GSE1: variants seen among roughly 807,000 people sequenced by gnomAD.
The protein encoded by GSE1 is Gse1 coiled-coil protein, also known as genetic suppressor element 1.
In GSE1, 32 loss-of-function variants were observed where a neutral mutation model predicts 112.6. That is an observed-to-expected ratio of 0.28 (90% CI 0.21 to 0.38). GSE1 has a LOEUF of 0.38. GSE1 is among the 10% of genes least tolerant of loss of function. The probability of loss-of-function intolerance (pLI) is 1.00; values close to 1 mark genes in which losing one functional copy is unlikely to be tolerated. For missense variants in GSE1, 2,348 were observed against 1,699.2 expected (o/e 1.38, Z -6.71); for synonymous variants, 1,115 against 735.6 (o/e 1.52, Z -8.35).
At position 85,546,596 on chromosome 16, in the gene GSE1, G is replaced by T. The variant is rs369638315; in HGVS notation, c.2465-87318G>T. Among the ~76,000 whole-genome samples the T allele has an allele frequency of 2.1e-4, 32 of 152,334 alleles. 1 individual carries two copies. In the South Asian group the frequency reaches 6.4e-3, roughly 31 times the overall value. ...TTGCTGGCTTCAGTATCTGTACTCAGAGTCATCCTGGGAGAAGGTATTCAT... is the reference window on the plus strand; with the variant it reads ...TTGCTGGCTTCAGTATCTGTACTCATAGTCATCCTGGGAGAAGGTATTCAT... On this transcript the variant is annotated intron_variant, in intron 2 of 2. Coordinates refer to the GSE1 transcript ENST00000637419.
chr16:85,348,241 TC>T (rs997569134), intron 1 of GSE1, among the ~76,000 whole-genome samples: 1 of 151,982 alleles, frequency 6.6e-6, no homozygotes, highest in Non-Finnish European at 1.5e-5. Context: ...CTGTCCATCA[TC>T]CATCCATCCA....
At chr16:85,421,154 G>A (rs1330096981) in intron 2 of GSE1, among the ~76,000 whole-genome samples, 2 of 152,238 alleles carry the variant, frequency 1.3e-5, no homozygotes, top group Non-Finnish European at 2.9e-5. Context: ...GTTAAACCAA[G>A]AGAAACAGGA....
intron 2 of GSE1, among the ~76,000 whole-genome samples, chr16:85,642,998 G>A (rs1475089325): frequency 6.6e-6 from 1 of 152,186 alleles, no homozygotes; most frequent in South Asian, 2.1e-4. Flanking sequence ...TGACTCTTCA[G>A]GGGGTGCCGG....
chr16:85,191,133 G>A (rs1338103116), intron 1 of GSE1, among the ~76,000 whole-genome samples: 1 of 152,076 alleles, frequency 6.6e-6, no homozygotes, highest in Non-Finnish European at 1.5e-5. Context: ...GGTGTTGTGT[G>A]CCTGTAATCC....
intron 2 of GSE1, among the ~76,000 whole-genome samples, chr16:85,384,286 G>A (rs562799625): frequency 6.6e-6 from 1 of 152,174 alleles, no homozygotes; most frequent in African/African-American, 2.4e-5. Context: ...GTGCGGCCGG[G>A]TGGCGAGCGG....
At chr16:85,516,959 G>C (rs932376741) in intron 2 of GSE1, among the ~76,000 whole-genome samples, 1 of 152,072 alleles carries the variant, frequency 6.6e-6, no homozygotes, top group Non-Finnish European at 1.5e-5. Context: ...CACCACGCCC[G>C]GCTAATTTTT....
chr16:85,670,435 A>C lies in GSE1; in HGVS notation c.3416-560A>C, dbSNP rs765482264. On this transcript the variant is annotated intron_variant, in intron 14 of 15. Coordinates refer to ENST00000253458, the MANE Select transcript of GSE1 (RefSeq NM_014615.5). ...TGTTGAATTTGTTAGTACTTTTAGG[A>C]TTTTTAATGTATGTTCGTTAGTATT... Among the ~76,000 whole-genome samples, 3 of 151,416 alleles carry C rather than the reference A, an allele frequency of 2.0e-5. No individual in the cohort carries two copies. In the South Asian group the frequency reaches 6.2e-4, roughly 31 times the overall value.
At chr16:85,547,535 T>G (rs1018619047) in intron 2 of GSE1, among the ~76,000 whole-genome samples, 16 of 152,202 alleles carry the variant, frequency 1.1e-4, no homozygotes, top group African/African-American at 3.9e-4. Context: ...TTTAATAAAT[T>G]TATATAATTA....
chr16:85,279,293 C>G (rs1485930400), intron 1 of GSE1, among the ~76,000 whole-genome samples: 2 of 152,194 alleles, frequency 1.3e-5, no homozygotes, highest in African/African-American at 4.8e-5. Context: ...ACCATGCAAG[C>G]CCGCTACAAG....
At chr16:85,172,623 A>C (rs2074380337) in intron 1 of GSE1, among the ~76,000 whole-genome samples, 1 of 152,224 alleles carries the variant, frequency 6.6e-6, no homozygotes, top group Non-Finnish European at 1.5e-5. Context: ...TGTGAGTGGC[A>C]GTCACCAACC....
chr16:85,356,239 C>G (rs546101024), intron 1 of GSE1, among the ~76,000 whole-genome samples: 2 of 152,216 alleles, frequency 1.3e-5, no homozygotes, highest in Non-Finnish European at 2.9e-5. Context: ...CATGGTAGTT[C>G]TTGCTCGCCT....
At chr16:85,574,397 C>T (rs1417910010) in intron 1 of GSE1, among the ~76,000 whole-genome samples, 2 of 152,176 alleles carry the variant, frequency 1.3e-5, no homozygotes, top group Non-Finnish European at 2.9e-5. Context: ...TCTTGACACC[C>T]GGCTGGGTCT....
At chr16:85,334,564 C>A (rs1263052010) in intron 1 of GSE1, among the ~76,000 whole-genome samples, 1 of 152,208 alleles carries the variant, frequency 6.6e-6, no homozygotes, top group Non-Finnish European at 1.5e-5. Context: ...AGGGTGGACT[C>A]TGAGGTGCAG....
intron 2 of GSE1, among the ~76,000 whole-genome samples, chr16:85,483,458 G>T (rs1455047464): frequency 1.3e-5 from 2 of 152,256 alleles, no homozygotes; most frequent in African/African-American, 4.8e-5. Context: ...GGCCACGAGG[G>T]TTGTGAGAGC....
intron 1 of GSE1, among the ~76,000 whole-genome samples, chr16:85,628,776 A>G (rs769955020): frequency 1.4e-3 from 211 of 152,326 alleles, no homozygotes; most frequent in Non-Finnish European, 2.6e-3. Context: ...TGAAAGACAT[A>G]GCTCTTCTCG....
intron 1 of GSE1, among the ~76,000 whole-genome samples, chr16:85,573,075 G>A (rs1356384839): frequency 6.6e-6 from 1 of 152,176 alleles, no homozygotes; most frequent in African/African-American, 2.4e-5. Context: ...TATTTGCCAG[G>A]CTGGTCTTAA....
chr16:85,287,568 C>T (rs1452418781), intron 1 of GSE1, among the ~76,000 whole-genome samples: 1 of 152,138 alleles, frequency 6.6e-6, no homozygotes, highest in African/African-American at 2.4e-5. Context: ...GCTGCCCCCT[C>T]TGCCTGGAAT....
intron 1 of GSE1, among the ~76,000 whole-genome samples, chr16:85,221,027 G>A (rs541991533): frequency 3.3e-5 from 5 of 149,956 alleles, no homozygotes; most frequent in South Asian, 2.1e-4. Context: ...GGGATTCAGC[G>A]TCCTCCGGGC....
At chr16:85,554,729 G>A (rs2045109011), upstream of GSE1, among the ~76,000 whole-genome samples, 1 of 151,616 alleles carries the variant, frequency 6.6e-6, no homozygotes, top group Admixed American at 6.6e-5. Flanking sequence ...TTCTCCTCCC[G>A]GGTCCTGGCG....
Sources: allele counts gnomAD v4.1 joint callset (sites outside exome capture counted in the v4.1 genomes callset), GRCh38; gene constraint gnomAD v4.1.1; transcripts MANE v1.5; gene names NCBI Gene and HGNC (gene_info 2026-07-23, HGNC 2026-07-21).